The following HEXA variants were observed in gnomAD, a reference collection of about 807,000 sequenced individuals.
The protein encoded by HEXA is hexosaminidase subunit alpha, also known as beta-hexosaminidase subunit alpha.
A neutral mutation model predicts 73.3 loss-of-function variants in HEXA; 54 were observed. The ratio of observed to expected loss-of-function variants is 0.74; its 90% CI spans 0.59 to 0.92. The LOEUF is 0.92. Among genes scored for constraint, HEXA ranks in the 40% least tolerant of loss-of-function variants. The pLI, the probability that HEXA is intolerant of heterozygous loss-of-function variation, is 0.00. For synonymous variants in HEXA, 230 were observed against 246.9 expected, an observed-to-expected ratio of 0.93 and a Z score of 0.64; for missense variants, 649 against 653.0, an observed-to-expected ratio of 0.99 and a Z score of 0.07.
chr15:72,363,536 T>G (rs2088879196), intron 1 of HEXA, among the ~76,000 whole-genome samples: 2 of 152,188 alleles, frequency 1.3e-5, no homozygotes, highest in Non-Finnish European at 2.9e-5. Flanking sequence ...CCCAGTAAAG[T>G]GGGAGTCTGT....
chr15:72,356,504 A>G, intron 2 of HEXA, 21 bp downstream of exon 2: 1 of 1,613,608 alleles, frequency 6.2e-7, no homozygotes, highest in Non-Finnish European at 8.5e-7. Flanking sequence ...CTTCTAAGAC[A>G]GGGAACAGGA....
At chr15:72,346,929 C>T (rs1352008993) in intron 10 of HEXA, 8 of 569,650 alleles carry the variant, frequency 1.4e-5, no homozygotes, top group East Asian at 1.3e-4. Flanking sequence ...CTCCCCGTCC[C>T]TCTGCAGCCT....
chr15:72,375,650 G>T, intron 1 of HEXA, 70 bp downstream of exon 1: 2 of 1,573,072 alleles, frequency 1.3e-6, no homozygotes, highest in South Asian at 1.1e-5. Context: ...CGTCTCTGGA[G>T]CCCTGGGGGA....
intron 10 of HEXA, among the ~76,000 whole-genome samples, chr15:72,347,314 C>A (rs1359219630): frequency 6.6e-6 from 1 of 150,592 alleles, no homozygotes; most frequent in Non-Finnish European, 1.5e-5. Flanking sequence ...ACTCTGTTGC[C>A]CAGGGTTGAG....
intron 1 of HEXA, chr15:72,358,643 G>A (rs2088815094): frequency 6.6e-6 from 1 of 152,024 alleles, no homozygotes; most frequent in African/African-American, 2.4e-5. Context: ...TCCACTCCCT[G>A]CCATCAATCT....
chr15:72,344,014 G>A lies in HEXA; in HGVS notation c.*63C>T. On this transcript the variant is annotated 3_prime_UTR_variant, in exon 14 of 14. Transcript: ENST00000268097. ...AGGGGCTCCGTCCCCTGGCCAGGAT[G>A]CAGTGGAAGCCTGGCTCCACTACCA... The A allele has an allele frequency of 7.3e-7, 1 of 1,378,212 alleles. No homozygotes were observed. The highest frequency in any genetic ancestry group is 1.4e-5 in the African/African-American group (1 of 70,332). The allele number at this position is 1,378,212 out of a possible 1,614,324, so 85.4% of individuals were successfully genotyped here.
chr15:72,370,323 G>T, intron 1 of HEXA: 1 of 293,410 alleles, frequency 3.4e-6, no homozygotes, highest in Non-Finnish European at 6.2e-6. Context: ...CATAAACCAG[G>T]CCCAGGCTAC....
intron 1 of HEXA, among the ~76,000 whole-genome samples, chr15:72,365,833 A>G (rs1231899146): frequency 6.6e-6 from 1 of 152,002 alleles, no homozygotes; most frequent in Non-Finnish European, 1.5e-5. Flanking sequence ...TCTGGAATCT[A>G]TTTTCTTGGT....
At chr15:72,362,236 T>C (rs2088860572) in intron 1 of HEXA, 1 of 232,452 alleles carries the variant, frequency 4.3e-6, no homozygotes, top group Non-Finnish European at 8.8e-6. Flanking sequence ...GAAACAGCTC[T>C]ATTTTCCTTT....
At chr15:72,349,522 A>C (rs1277155905) in intron 7 of HEXA, among the ~76,000 whole-genome samples, 2 of 152,230 alleles carry the variant, frequency 1.3e-5, no homozygotes, top group Non-Finnish European at 2.9e-5. Context: ...TCTTGCCTGG[A>C]CACACTGCTT....
intron 1 of HEXA, among the ~76,000 whole-genome samples, chr15:72,361,250 G>T (rs991801291): frequency 4.6e-5 from 7 of 152,144 alleles, no homozygotes; most frequent in Non-Finnish European, 1.0e-4. Context: ...AGACATCTCT[G>T]ACCTTCTTGA....
intron 12 of HEXA, 125 bp downstream of exon 12, chr15:72,346,110 G>A (rs140288703): frequency 3.5e-5 from 25 of 724,478 alleles, no homozygotes; most frequent in South Asian, 4.5e-5. Flanking sequence ...CTCGTTGCAC[G>A]GCCTGCTCTC....
intron 13 of HEXA, 91 bp downstream of exon 13, chr15:72,345,355 T>G: frequency 6.3e-7 from 1 of 1,576,298 alleles, no homozygotes; most frequent in East Asian, 2.3e-5. Flanking sequence ...AAGTGTTAGC[T>G]ATTGTTAATT....
Position 72,343,979 on chromosome 15 carries a change from C to T in HEXA, c.*98G>A. The stretch of plus-strand genomic sequence containing the variant: ...AGCACAGGGGCACGCAGGCAAGGGG[C>T]ACGAAGGCAAGGGGCTCCGTCCCCT... On this transcript the variant is annotated 3_prime_UTR_variant, in exon 14 of 14. Transcript: ENST00000268097. 1.0e-6 allele frequency: 1 copy of T among 999,248 alleles called. No individual in the cohort carries two copies. Among genetic ancestry groups the T allele is most frequent in the Non-Finnish European group, 1.6e-6 (1 of 627,110 alleles). The allele number at this position is 999,248 out of a possible 1,614,324, so 61.9% of individuals were successfully genotyped here.
chr15:72,347,848 C>A, intron 9 of HEXA, 90 bp from the exon 10 acceptor site: 7 of 1,267,634 alleles, frequency 5.5e-6, no homozygotes, highest in Non-Finnish European at 8.1e-6. Context: ...TTGAGCCTGG[C>A]CAGGGGCCTA....
intron 1 of HEXA, among the ~76,000 whole-genome samples, chr15:72,362,065 T>C (rs1027082556): frequency 6.6e-6 from 1 of 152,204 alleles, no homozygotes; most frequent in African/African-American, 2.4e-5. Flanking sequence ...CATAAGAAAA[T>C]GCCTTGTCTT....
intron 1 of HEXA, among the ~76,000 whole-genome samples, chr15:72,366,539 G>A (rs947505911): frequency 6.6e-6 from 1 of 151,990 alleles, no homozygotes; most frequent in African/African-American, 2.4e-5. Context: ...TCGAACTCCT[G>A]ACCTCAAGTG....
At chr15:72,370,321 A>G in intron 1 of HEXA, 1 of 291,070 alleles carries the variant, frequency 3.4e-6, no homozygotes. Flanking sequence ...TTCATAAACC[A>G]GGCCCAGGCT....
Position 72,349,183 on chromosome 15 carries a change from G to A in HEXA, c.882C>T (p.Leu294=). The A allele has an allele frequency of 1.9e-6, 3 of 1,613,844 alleles. No individual in the cohort carries two copies. Among genetic ancestry groups the A allele is most frequent in the Non-Finnish European group, 2.5e-6 (3 of 1,179,734 alleles). ...TGCTCATGAACTCATAGGTATTATT[G>A]AGACTGGGATTCACTGGTCCAAAGG... ...SGTFGPVNPS[L]NNTYEFMSTF... Residue 294 remains leucine (L), a synonymous_variant, in exon 8 of 14, where the codon CTC becomes CTT. Coordinates refer to ENST00000268097, the MANE Select transcript of HEXA (RefSeq NM_000520.6).
Sources: allele counts gnomAD v4.1 joint callset (sites outside exome capture counted in the v4.1 genomes callset), GRCh38; gene constraint gnomAD v4.1.1; transcripts MANE v1.5; gene names NCBI Gene and HGNC (gene_info 2026-07-23, HGNC 2026-07-21).